PRR16: variants seen among roughly 807,000 people sequenced by gnomAD.
PRR16 encodes proline rich 16, also known as protein Largen.
In PRR16, 6 loss-of-function variants were observed where a neutral mutation model predicts 18.2. The observed-to-expected ratio is 0.33, with a 90% CI of 0.18 to 0.65. PRR16 has a LOEUF of 0.65. Ranked by LOEUF, PRR16 falls within the 30% of genes least tolerant of loss-of-function variation. The pLI, the probability that PRR16 is intolerant of heterozygous loss-of-function variation, is 0.74. For missense variants in PRR16, 412 were observed against 376.6 expected, an observed-to-expected ratio of 1.09 and a Z score of -0.78; for synonymous variants, 151 against 147.8, an observed-to-expected ratio of 1.02 and a Z score of -0.16.
chr5:120,485,438 T>C (rs1389594103), intron 1 of PRR16, among the ~76,000 whole-genome samples: 8 of 152,206 alleles, frequency 5.3e-5, no homozygotes, highest in South Asian at 2.1e-4. Flanking sequence ...TTTTGGTTAA[T>C]GGCAAATGCC....
chr5:120,561,958 G>A lies in PRR16; in HGVS notation c.159+97313G>A, dbSNP rs184866513. 3.4e-3 allele frequency among the ~76,000 whole-genome samples: 523 copies of A among 152,198 alleles called. 1 individual carries two copies. Among genetic ancestry groups the A allele is most frequent in the Non-Finnish European group, 6.0e-3 (410 of 67,996 alleles). On this transcript the variant is annotated intron_variant, in intron 1 of 1. Transcript: ENST00000407149. Reference sequence around the variant, plus strand: ...CCTCAGATCTGTCTTTATCAGCATCGTGAGAACAGACTAATATAATATAAT... The same window carrying A: ...CCTCAGATCTGTCTTTATCAGCATCATGAGAACAGACTAATATAATATAAT...
chr5:120,522,203 A>G (rs1213925054), intron 1 of PRR16, among the ~76,000 whole-genome samples: 2 of 152,212 alleles, frequency 1.3e-5, no homozygotes, highest in African/African-American at 4.8e-5. Context: ...GAGATGGCTG[A>G]GTCAAATGGT....
the PRR16 span, among the ~76,000 whole-genome samples, chr5:120,773,000 T>C: frequency 6.6e-6 from 1 of 152,144 alleles, no homozygotes; most frequent in African/African-American, 2.4e-5. Context: ...AGAACAATAG[T>C]CTTGAGGTAC....
intron 1 of PRR16, among the ~76,000 whole-genome samples, chr5:120,595,036 C>T (rs374108727): frequency 1.3e-5 from 2 of 151,812 alleles, no homozygotes; most frequent in East Asian, 3.9e-4. Flanking sequence ...TAATTCTGAA[C>T]ATAGGAACTG....
intron 1 of PRR16, among the ~76,000 whole-genome samples, chr5:120,611,920 G>T (rs989186689): frequency 2.6e-5 from 4 of 152,302 alleles, no homozygotes; most frequent in Non-Finnish European, 5.9e-5. Context: ...CTCCATACCA[G>T]CTGGTGAGAG....
intron 1 of PRR16, among the ~76,000 whole-genome samples, chr5:120,492,340 C>CT (rs1299670350): frequency 8.4e-4 from 127 of 151,438 alleles, no homozygotes; most frequent in African/African-American, 2.9e-3. Context: ...AGGCTGGTCT[C>CT]TAATTCCTGA....
chr5:120,780,425 C>G, the PRR16 span, among the ~76,000 whole-genome samples: 2 of 151,988 alleles, frequency 1.3e-5, no homozygotes, highest in African/African-American at 2.4e-5. Context: ...TTTATTTGTG[C>G]CCATAACAGG....
chr5:120,646,559 T>C (rs1755609575), intron 1 of PRR16, among the ~76,000 whole-genome samples: 1 of 152,056 alleles, frequency 6.6e-6, no homozygotes, highest in South Asian at 2.1e-4. Flanking sequence ...ATGAAATGCA[T>C]GATTTTTTAG....
chr5:120,477,119 T>C (rs1026505106), intron 1 of PRR16, among the ~76,000 whole-genome samples: 1 of 152,182 alleles, frequency 6.6e-6, no homozygotes, highest in African/African-American at 2.4e-5. Context: ...ACTGAAATTT[T>C]TATTCTTTAA....
chr5:120,487,996 G>A (rs1469679157), intron 1 of PRR16, among the ~76,000 whole-genome samples: 4 of 152,168 alleles, frequency 2.6e-5, no homozygotes, highest in Non-Finnish European at 5.9e-5. Context: ...CAGGGATGAA[G>A]CCCACTTGAT....
At chr5:120,503,320 A>C (rs1036743402) in intron 1 of PRR16, among the ~76,000 whole-genome samples, 7 of 152,202 alleles carry the variant, frequency 4.6e-5, no homozygotes, top group African/African-American at 1.7e-4. Flanking sequence ...ACTTTAAATA[A>C]TATTATTTCA....
the PRR16 span, among the ~76,000 whole-genome samples, chr5:120,692,528 A>G: frequency 6.6e-6 from 1 of 152,300 alleles, no homozygotes; most frequent in South Asian, 2.1e-4. Context: ...TGCATGTGTC[A>G]TTGGCCAAAA....
the PRR16 span, among the ~76,000 whole-genome samples, chr5:120,740,790 C>A: frequency 6.6e-6 from 1 of 152,080 alleles, no homozygotes. Context: ...AACTGAAGGA[C>A]AATTTACATT....
chr5:120,692,618 C>G, the PRR16 span, among the ~76,000 whole-genome samples: 6 of 152,274 alleles, frequency 3.9e-5, no homozygotes, highest in East Asian at 3.9e-4. Context: ...CCAAGTCATA[C>G]CCATCACAGT....
chr5:120,688,532 A>C (rs1241217938), downstream of PRR16, among the ~76,000 whole-genome samples: 1 of 152,190 alleles, frequency 6.6e-6, no homozygotes, highest in Non-Finnish European at 1.5e-5. Flanking sequence ...GCATGCATTT[A>C]GTCTTGATAT....
chr5:120,613,491 G>A (rs985263), intron 1 of PRR16, among the ~76,000 whole-genome samples: 118,791 of 151,854 alleles, frequency 0.78, 46,956 homozygotes, highest in East Asian at 0.91. Flanking sequence ...ACCCCACAAA[G>A]ACATTATCAA....
chr5:120,503,523 A>G (rs1246247408), intron 1 of PRR16, among the ~76,000 whole-genome samples: 1 of 152,142 alleles, frequency 6.6e-6, no homozygotes, highest in Non-Finnish European at 1.5e-5. Flanking sequence ...AAGATAAAAG[A>G]GAGAGCAATG....
At chr5:120,635,385 T>G (rs1755193519) in intron 1 of PRR16, among the ~76,000 whole-genome samples, 1 of 152,102 alleles carries the variant, frequency 6.6e-6, no homozygotes, top group Non-Finnish European at 1.5e-5. Flanking sequence ...ACTAGCTAAA[T>G]GAATCCAACA....
the PRR16 span, among the ~76,000 whole-genome samples, chr5:120,728,589 G>C: frequency 1.3e-5 from 2 of 152,110 alleles, no homozygotes; most frequent in Non-Finnish European, 2.9e-5. Context: ...ATATGAACTT[G>C]AGCTTTCTAG....
Sources: gnomAD v4.1 joint callset for allele counts (sites outside exome capture counted in the v4.1 genomes callset) on GRCh38, gnomAD v4.1.1 for gene constraint, MANE v1.5 for transcripts, NCBI Gene and HGNC (gene_info 2026-07-23, HGNC 2026-07-21) for gene names.